EDIL3: variants seen among roughly 807,000 people sequenced by gnomAD.
EDIL3 encodes the protein EGF like and discoidin domains 3, also known as EGF-like repeat and discoidin I-like domain-containing protein 3.
EDIL3 carries 37 observed loss-of-function variants against 67.4 expected under a neutral mutation model. The ratio of observed to expected loss-of-function variants is 0.55; its 90% CI spans 0.42 to 0.72. The LOEUF (loss-of-function observed/expected upper bound fraction) is 0.72. EDIL3 is among the 30% of genes least tolerant of loss of function. The pLI is 0.00. For missense variants in EDIL3, 527 were observed against 586.3 expected (o/e 0.90, Z 1.04); for synonymous variants, 195 against 196.3 (o/e 0.99, Z 0.05).
At chr5:84,140,756 A>C (rs535996025) in intron 4 of EDIL3, among the ~76,000 whole-genome samples, 17 of 152,306 alleles carry the variant, frequency 1.1e-4, no homozygotes, top group African/African-American at 3.6e-4. Context: ...ATAAAAATAT[A>C]CATGTTATCT....
At chr5:84,383,361 G>C (rs1748130679) in intron 1 of EDIL3, among the ~76,000 whole-genome samples, 1 of 152,232 alleles carries the variant, frequency 6.6e-6, no homozygotes, top group African/African-American at 2.4e-5. Context: ...GGTTTGTATG[G>C]ACAAGCTGCA....
intron 10 of EDIL3, among the ~76,000 whole-genome samples, chr5:83,963,001 A>T (rs187444710): frequency 1.7e-4 from 26 of 151,634 alleles, no homozygotes; most frequent in Admixed American, 1.7e-3. Context: ...CAGTAAAGCA[A>T]TTTTTTTCCT....
chr5:84,158,935 T>C (rs1041180661), intron 4 of EDIL3, among the ~76,000 whole-genome samples: 3 of 152,024 alleles, frequency 2.0e-5, no homozygotes, highest in South Asian at 4.1e-4. Flanking sequence ...CCTCCAAATA[T>C]CTAGTCATTT....
intron 6 of EDIL3, among the ~76,000 whole-genome samples, chr5:84,091,930 T>C (rs1434155007): frequency 6.6e-6 from 1 of 152,182 alleles, no homozygotes; most frequent in East Asian, 1.9e-4. Flanking sequence ...TTGAGATAGT[T>C]TCAGATTCGC....
At chr5:84,230,136 T>C (rs1744541512) in intron 2 of EDIL3, among the ~76,000 whole-genome samples, 1 of 152,188 alleles carries the variant, frequency 6.6e-6, no homozygotes, top group Admixed American at 6.5e-5. Context: ...AAAATATCTA[T>C]TAATATTTGT....
intron 9 of EDIL3, among the ~76,000 whole-genome samples, chr5:84,019,478 G>A (rs1745671039): frequency 6.6e-6 from 1 of 151,938 alleles, no homozygotes; most frequent in Admixed American, 6.6e-5. Flanking sequence ...CACCAACATG[G>A]CACATGTATA....
intron 9 of EDIL3, among the ~76,000 whole-genome samples, chr5:84,056,690 G>C (rs1343215953): frequency 1.3e-5 from 2 of 151,888 alleles, no homozygotes; most frequent in Admixed American, 1.3e-4. Context: ...GTATATAAAA[G>C]ACATTTTTTA....
At chr5:84,243,886 C>T (rs1360650760) in intron 2 of EDIL3, among the ~76,000 whole-genome samples, 1 of 152,192 alleles carries the variant, frequency 6.6e-6, no homozygotes, top group African/African-American at 2.4e-5. Flanking sequence ...CAATTCTACT[C>T]TCATTATATG....
At chr5:84,021,969 T>A (rs1161533512) in intron 9 of EDIL3, among the ~76,000 whole-genome samples, 1 of 151,882 alleles carries the variant, frequency 6.6e-6, no homozygotes, top group Non-Finnish European at 1.5e-5. Context: ...TTCTACCAAA[T>A]GTATAAAGAA....
intron 5 of EDIL3, among the ~76,000 whole-genome samples, chr5:84,114,148 GTTTTTTT>G (rs918208407): frequency 2.0e-4 from 22 of 109,840 alleles, no homozygotes; most frequent in Non-Finnish European, 3.1e-4. Flanking sequence ...GAACCCTAAA[GTTTTTTT>G]TTTTTTTTTT....
At chr5:83,969,684 T>G (rs906396600) in intron 9 of EDIL3, among the ~76,000 whole-genome samples, 1 of 151,874 alleles carries the variant, frequency 6.6e-6, no homozygotes, top group Admixed American at 6.6e-5. Context: ...AAAATTACAC[T>G]CTTCCATCTG....
intron 2 of EDIL3, among the ~76,000 whole-genome samples, chr5:84,234,520 T>C (rs2112049031): frequency 6.6e-6 from 1 of 152,304 alleles, no homozygotes; most frequent in African/African-American, 2.4e-5. Flanking sequence ...GATTCCAGTC[T>C]CTTTGTGTGG....
intron 3 of EDIL3, among the ~76,000 whole-genome samples, chr5:84,182,488 A>C (rs1163813767): frequency 1.3e-5 from 2 of 151,774 alleles, no homozygotes; most frequent in Admixed American, 1.3e-4. Context: ...ACAAACAAAC[A>C]AACTTGTGAA....
chr5:84,333,229 T>C (rs765083979), intron 1 of EDIL3, among the ~76,000 whole-genome samples: 1 of 152,164 alleles, frequency 6.6e-6, no homozygotes, highest in Non-Finnish European at 1.5e-5. Context: ...GAAATAATTA[T>C]GAACATACGA....
At chr5:84,052,282 C>T (rs1054230697) in intron 9 of EDIL3, among the ~76,000 whole-genome samples, 1 of 152,140 alleles carries the variant, frequency 6.6e-6, no homozygotes, top group African/African-American at 2.4e-5. Context: ...CACCATCAGG[C>T]CTGCCTTACA....
chr5:84,084,618 A>G (rs987635037), intron 6 of EDIL3, among the ~76,000 whole-genome samples: 1 of 152,222 alleles, frequency 6.6e-6, no homozygotes, highest in Non-Finnish European at 1.5e-5. Flanking sequence ...TTGCTTTTAA[A>G]TAACAACTAA....
At chr5:84,316,177 A>G (rs2386432) in intron 1 of EDIL3, among the ~76,000 whole-genome samples, 2 of 151,974 alleles carry the variant, frequency 1.3e-5, no homozygotes, top group Non-Finnish European at 2.9e-5. Flanking sequence ...TAATAACCAT[A>G]GACACTATGA....
intron 10 of EDIL3, among the ~76,000 whole-genome samples, chr5:83,944,351 C>T (rs1424892397): frequency 6.7e-6 from 1 of 150,342 alleles, no homozygotes; most frequent in Non-Finnish European, 1.5e-5. Flanking sequence ...ATATCCTGAC[C>T]CTTTGCATTG....
rs113405684 is a variant in EDIL3, at chr5:83,945,040, A to G, written c.1294-1472T>C. Among the ~76,000 whole-genome samples the G allele has an allele frequency of 1.9e-3, 289 of 152,098 alleles. 1 individual carries two copies. Among genetic ancestry groups the G allele is most frequent in the South Asian group, 0.019 (91 of 4,824 alleles). On this transcript the variant is annotated intron_variant, in intron 10 of 10. Transcript: ENST00000296591. ...GTTCTCCTGGAAAGAAAAAAATCAT[A>G]TTCTCCTCAAAAGCATTAGGCAGTA...
Sources: gnomAD v4.1 joint callset for allele counts (sites outside exome capture counted in the v4.1 genomes callset) on GRCh38, gnomAD v4.1.1 for gene constraint, MANE v1.5 for transcripts, NCBI Gene and HGNC (gene_info 2026-07-23, HGNC 2026-07-21) for gene names.